LPP: variants seen among roughly 807,000 people sequenced by gnomAD.
The protein encoded by LPP is lipoma-preferred partner.
LPP carries 38 observed loss-of-function variants against 60.4 expected under a neutral mutation model. The observed-to-expected ratio is 0.63, with a 90% CI of 0.49 to 0.83. LPP has a LOEUF of 0.83. LPP is among the 40% of genes least tolerant of loss of function. The probability of loss-of-function intolerance (pLI) is 0.00; values close to 1 mark genes in which losing one functional copy is unlikely to be tolerated. For synonymous variants in LPP, 328 were observed against 290.8 expected (o/e 1.13, Z -1.30); for missense variants, 902 against 783.6 (o/e 1.15, Z -1.80).
intron 5 of LPP, among the ~76,000 whole-genome samples, chr3:188,509,455 C>T (rs1040818612): frequency 1.3e-5 from 2 of 152,064 alleles, no homozygotes; most frequent in East Asian, 1.9e-4. Flanking sequence ...TAAGTTTGAA[C>T]AACAGGTGGG....
intron 7 of LPP, among the ~76,000 whole-genome samples, chr3:188,683,288 C>T (rs1030547659): frequency 7.2e-5 from 11 of 151,964 alleles, no homozygotes; most frequent in African/African-American, 2.4e-4. Flanking sequence ...TGGACCTGGG[C>T]GTCTCAGTGG....
chr3:188,341,503 T>C (rs1482228109), intron 2 of LPP, among the ~76,000 whole-genome samples, 160 bp from the exon 3 acceptor site: 3 of 152,220 alleles, frequency 2.0e-5, no homozygotes, highest in Non-Finnish European at 4.4e-5. Context: ...AATCATCTCT[T>C]CCTGCTTCTT....
chr3:188,278,386 A>T (rs746738388), intron 2 of LPP, among the ~76,000 whole-genome samples: 3 of 152,156 alleles, frequency 2.0e-5, no homozygotes, highest in Non-Finnish European at 4.4e-5. Flanking sequence ...AAGACTATGT[A>T]GGTGGTTGGA....
chr3:188,680,031 G>T (rs1010124046), intron 7 of LPP, among the ~76,000 whole-genome samples: 3 of 152,130 alleles, frequency 2.0e-5, no homozygotes, highest in African/African-American at 7.2e-5. Flanking sequence ...TGGTGAATAG[G>T]AGTCAACAAA....
intron 2 of LPP, among the ~76,000 whole-genome samples, chr3:188,230,773 CAAA>C (rs760774253): frequency 5.6e-5 from 6 of 106,452 alleles, no homozygotes; most frequent in Non-Finnish European, 3.9e-5. Flanking sequence ...AACTCTGTCT[CAAA>C]AAAAAAAAAA....
intron 8 of LPP, among the ~76,000 whole-genome samples, chr3:188,718,927 AG>A (rs1303214897): frequency 6.6e-6 from 1 of 152,220 alleles, no homozygotes; most frequent in African/African-American, 2.4e-5. Context: ...TGAGATTTTT[AG>A]GGTCCCAAAT....
At chr3:188,763,251 CTT>C (rs547373113) in intron 9 of LPP, among the ~76,000 whole-genome samples, 11 of 141,524 alleles carry the variant, frequency 7.8e-5, no homozygotes, top group Admixed American at 1.4e-4. Flanking sequence ...GTGTGCCTGT[CTT>C]TTTTTTTTTT....
intron 7 of LPP, among the ~76,000 whole-genome samples, chr3:188,661,305 G>A (rs1233243279): frequency 6.6e-6 from 1 of 152,192 alleles, no homozygotes; most frequent in Non-Finnish European, 1.5e-5. Flanking sequence ...AAACATCCAC[G>A]TGCTGGTTTC....
At chr3:188,688,104 A>G (rs1468355339) in intron 7 of LPP, among the ~76,000 whole-genome samples, 9 of 152,206 alleles carry the variant, frequency 5.9e-5, no homozygotes, top group African/African-American at 2.2e-4. Flanking sequence ...AATGAGACTT[A>G]GTTTTTCCAA....
chr3:188,695,601 A>T (rs1043205422), intron 7 of LPP, among the ~76,000 whole-genome samples: 66 of 152,326 alleles, frequency 4.3e-4, no homozygotes, highest in African/African-American at 1.5e-3. Flanking sequence ...TCCTCTGCCT[A>T]CTTTCCCAAC....
intron 2 of LPP, among the ~76,000 whole-genome samples, chr3:188,235,973 T>C (rs1045466786): frequency 2.9e-4 from 44 of 152,156 alleles, no homozygotes; most frequent in African/African-American, 1.1e-3. Context: ...CCATGTCATC[T>C]AGTATAATAG....
chr3:188,495,083 T>TATATATATATATATATATATTTA (rs57578460), intron 5 of LPP, among the ~76,000 whole-genome samples: 3 of 77,784 alleles, frequency 3.9e-5, no homozygotes, highest in African/African-American at 1.7e-4. Flanking sequence ...TATATATATA[T>TATATATATATATATATATATTTA]TTTATTTATA....
chr3:188,186,067 C>T (rs535000584), intron 1 of LPP, among the ~76,000 whole-genome samples: 8 of 152,016 alleles, frequency 5.3e-5, no homozygotes, highest in East Asian at 3.9e-4. Context: ...TGGGCTTGCC[C>T]GGAGCCATAG....
At chr3:188,536,002 ATTTTTTTTTT>A (rs11293389) in intron 6 of LPP, among the ~76,000 whole-genome samples, 1 of 121,756 alleles carries the variant, frequency 8.2e-6, no homozygotes, top group Non-Finnish European at 1.7e-5. Flanking sequence ...TATTACATGA[ATTTTTTTTTT>A]TTTTTTTTTT....
intron 3 of LPP, among the ~76,000 whole-genome samples, chr3:188,384,031 T>G (rs1258098869): frequency 1.3e-5 from 2 of 152,178 alleles, no homozygotes; most frequent in Admixed American, 6.5e-5. Flanking sequence ...ATAAGTATGG[T>G]TTCTTTTCTT....
At chr3:188,242,029 G>A (rs1230147056) in intron 2 of LPP, among the ~76,000 whole-genome samples, 1 of 152,154 alleles carries the variant, frequency 6.6e-6, no homozygotes, top group Non-Finnish European at 1.5e-5. Context: ...CCAAATCGCA[G>A]GGTGGATGAT....
intron 9 of LPP, among the ~76,000 whole-genome samples, chr3:188,796,804 T>C (rs1317870641): frequency 6.6e-6 from 1 of 152,216 alleles, no homozygotes; most frequent in African/African-American, 2.4e-5. Context: ...TTTTGAGAAA[T>C]AGATCTAGAT....
In LPP at chr3:188,500,286, G is replaced by T. The variant is rs183119707; in HGVS notation, c.306+15582G>T. Among the ~76,000 whole-genome samples, 18 of 151,894 alleles carry T rather than the reference G, an allele frequency of 1.2e-4. No individual in the cohort carries two copies. The East Asian group carries it at 3.5e-3, about 29-fold the overall frequency. Reference sequence around the variant, plus strand: ...AGTTTTCTTCTATTCCCAGTTTGTTGAATATTTTTCTTATGAAAGGATATT... The same window carrying T: ...AGTTTTCTTCTATTCCCAGTTTGTTTAATATTTTTCTTATGAAAGGATATT... On this transcript the variant is annotated intron_variant, in intron 5 of 11. Transcript: ENST00000617246.
intron 7 of LPP, chr3:188,688,811 T>C (rs1315387654): frequency 1.9e-6 from 1 of 527,758 alleles, no homozygotes; most frequent in East Asian, 5.5e-5. Flanking sequence ...TCACAGTCTA[T>C]TGAGTTACCT....
Sources: gnomAD v4.1 joint callset for allele counts (sites outside exome capture counted in the v4.1 genomes callset) on GRCh38, gnomAD v4.1.1 for gene constraint, MANE v1.5 for transcripts, NCBI Gene and HGNC (gene_info 2026-07-23, HGNC 2026-07-21) for gene names.